The following FAM186B variants were observed in gnomAD, a reference collection of about 807,000 sequenced individuals.
FAM186B encodes the protein family with sequence similarity 186 member B.
In FAM186B, 68 loss-of-function variants were observed where a neutral mutation model predicts 83.4. That is an observed-to-expected ratio of 0.81 (90% CI 0.67 to 1.00). The LOEUF (loss-of-function observed/expected upper bound fraction) is 1.00, where lower values mean the gene tolerates loss of function less well. Among genes scored for constraint, FAM186B ranks in the 50% least tolerant of loss-of-function variants. FAM186B has a pLI of 0.00. For synonymous variants in FAM186B, 389 were observed against 422.0 expected (o/e 0.92, Z 0.96); for missense variants, 983 against 1,099.2 (o/e 0.89, Z 1.49).
downstream of FAM186B, among the ~76,000 whole-genome samples, chr12:49,586,296 A>C (rs1297474901): frequency 2.0e-5 from 3 of 152,170 alleles, no homozygotes; most frequent in African/African-American, 7.2e-5. Context: ...AGAATTGTGC[A>C]TGTTTTACCA....
At chr12:49,613,736 G>A in the FAM186B span, among the ~76,000 whole-genome samples, 1 of 151,810 alleles carries the variant, frequency 6.6e-6, no homozygotes, top group Admixed American at 6.6e-5. Flanking sequence ...CTACTTGGGA[G>A]GCTGAGGCGG....
intron 5 of FAM186B, chr12:49,595,759 G>A (rs757636378): frequency 8.3e-6 from 2 of 240,252 alleles, no homozygotes; most frequent in Non-Finnish European, 1.7e-5. Flanking sequence ...TGAGGCAGGC[G>A]GATCACGAGG....
the FAM186B span, among the ~76,000 whole-genome samples, chr12:49,613,867 G>T: frequency 1.3e-5 from 2 of 151,364 alleles, no homozygotes; most frequent in African/African-American, 4.9e-5. Context: ...AATAAGAACT[G>T]GCCGGGCGCG....
chr12:49,622,448 A>G, the FAM186B span, among the ~76,000 whole-genome samples: 4 of 152,236 alleles, frequency 2.6e-5, no homozygotes, highest in East Asian at 7.7e-4. Flanking sequence ...CTGAGGCTGC[A>G]GTGAACCCTG....
At position 49,604,543 on chromosome 12, in the gene FAM186B, A is replaced by G. The variant is rs1286067045; in HGVS notation, c.97-5T>C. On this transcript the variant is annotated splice_region_variant and splice_polypyrimidine_tract_variant and intron_variant, in intron 1 of 6. Transcript: ENST00000257894. ...TGAGAGCTGGGTAGAAATATCCTAT[A>G]GAGAAGCAGCAGATTGTAGTGTTAG... is the stretch of plus-strand genomic sequence containing the variant. 3.1e-6 allele frequency: 5 copies of G among 1,612,890 alleles called. No individual in the cohort carries two copies. Among genetic ancestry groups the G allele is most frequent in the Non-Finnish European group, 4.2e-6 (5 of 1,178,846 alleles).
downstream of FAM186B, among the ~76,000 whole-genome samples, chr12:49,586,874 T>C (rs1308055740): frequency 1.3e-5 from 2 of 152,172 alleles, no homozygotes; most frequent in Non-Finnish European, 2.9e-5. Flanking sequence ...CACTGAGGTC[T>C]CCAGTTGGAG....
chr12:49,599,496 A>G lies in FAM186B; in HGVS notation c.2144T>C (p.Ile715Thr). ...GAGGCTCTGGAGGCGTCTATAGAAG[A>G]TGTACTTATGGCACAGGTACTGCAG... is the stretch of plus-strand genomic sequence containing the variant. ...LRLQYLCHKY[I>T]FYRRLQSLRQ... The change falls in exon 4 of 7, where the codon ATC becomes ACC. Residue 715 changes from isoleucine to threonine, a missense_variant. Coordinates refer to ENST00000257894, the MANE Select transcript of FAM186B (RefSeq NM_032130.3). The G allele has an allele frequency of 6.4e-7, 1 of 1,557,526 alleles. No individual in the cohort carries two copies. The highest frequency in any genetic ancestry group is 2.2e-5 in the East Asian group (1 of 44,520).
At position 49,600,000 on chromosome 12, in the gene FAM186B, T is replaced by C; in HGVS notation, c.1640A>G (p.Glu547Gly). Residue 547 changes from glutamate (E) to glycine (G), a missense_variant, in exon 4 of 7, where the codon GAG becomes GGG. Transcript: ENST00000257894. Reference sequence around the variant, plus strand: ...CACATCCTCCCCTAGCTGCTCTGGCTCTCTCCGTGGGCTCTCCTGCTCCTT... The same window carrying C: ...CACATCCTCCCCTAGCTGCTCTGGCCCTCTCCGTGGGCTCTCCTGCTCCTT... Reference protein sequence around the residue: ...LEKEQESPRREPEQLGEDVER... With the variant: ...LEKEQESPRRGPEQLGEDVER... The C allele has an allele frequency of 6.2e-7, 1 of 1,612,778 alleles. No homozygotes were observed. Among genetic ancestry groups the C allele is most frequent in the Non-Finnish European group, 8.5e-7 (1 of 1,179,474 alleles).
At chr12:49,621,807 T>TCCCCTTGGA in the FAM186B span, among the ~76,000 whole-genome samples, 37 of 152,052 alleles carry the variant, frequency 2.4e-4, no homozygotes, top group Non-Finnish European at 2.5e-4. Flanking sequence ...CATGGGCAAA[T>TCCCCTTGGA]CCCCTTGGAC....
upstream of FAM186B, among the ~76,000 whole-genome samples, chr12:49,609,131 TG>T (rs1442766938): frequency 3.3e-5 from 5 of 152,270 alleles, no homozygotes; most frequent in East Asian, 9.7e-4. Context: ...GTCACAGGAC[TG>T]GGGTGGGAAA....
chr12:49,604,322 C>T lies in FAM186B; in HGVS notation c.313G>A (p.Gly105Ser), dbSNP rs750263884. 5.6e-6 allele frequency: 9 copies of T among 1,612,992 alleles called. No individual in the cohort carries two copies. Among genetic ancestry groups the T allele is most frequent in the Non-Finnish European group, 6.8e-6 (8 of 1,179,118 alleles). ...KHLYDILRWL[G>S]DWGDTLTYEI... Reference sequence around the variant, plus strand: ...CAGCCTGCAAACTCACCCCAGTCACCCAGCCAGCGGAGAATGTCATACAGG... The same window carrying T: ...CAGCCTGCAAACTCACCCCAGTCACTCAGCCAGCGGAGAATGTCATACAGG... Residue 105 changes from glycine to serine, a missense_variant, in exon 2 of 7, where the codon GGT becomes AGT. Transcript: ENST00000257894.
the FAM186B span, among the ~76,000 whole-genome samples, chr12:49,612,468 A>G: frequency 6.6e-6 from 1 of 151,808 alleles, no homozygotes; most frequent in Non-Finnish European, 1.5e-5. Flanking sequence ...GGCCCAGGAC[A>G]GCTTTGAATG....
the FAM186B span, among the ~76,000 whole-genome samples, chr12:49,617,519 G>A: frequency 6.6e-6 from 1 of 152,130 alleles, no homozygotes; most frequent in Non-Finnish European, 1.5e-5. Context: ...ACTCTAGCCT[G>A]GGTGTCAGAA....
At chr12:49,610,747 G>A in the FAM186B span, among the ~76,000 whole-genome samples, 26 of 146,560 alleles carry the variant, frequency 1.8e-4, no homozygotes, top group Admixed American at 5.5e-4. Context: ...CCAAGATTGC[G>A]CCACTGCACT....
chr12:49,592,921 ACAGAT>A (rs1252419800), intron 5 of FAM186B, among the ~76,000 whole-genome samples: 1 of 152,228 alleles, frequency 6.6e-6, no homozygotes, highest in Non-Finnish European at 1.5e-5. Flanking sequence ...AAAACAAAGA[ACAGAT>A]TAGACAAATA....
intron 5 of FAM186B, among the ~76,000 whole-genome samples, chr12:49,596,486 A>T (rs368352924): frequency 1.0e-3 from 112 of 112,100 alleles, no homozygotes; most frequent in African/African-American, 3.6e-3. Flanking sequence ...TGATGTCTTT[A>T]AAAAAAAAAA....
At chr12:49,619,395 G>T in the FAM186B span, 1 of 436,344 alleles carries the variant, frequency 2.3e-6, no homozygotes, top group South Asian at 4.1e-5. Context: ...AAACTTATTT[G>T]AAAAGCTAAA....
rs1229016990 is a variant in FAM186B, at chr12:49,599,513, G to A, written c.2127C>T (p.Tyr709=). 6.3e-7 allele frequency: 1 copy of A among 1,584,814 alleles called. No individual in the cohort carries two copies. ...TMELGALRLQ[Y]LCHKYIFYRR... The stretch of plus-strand genomic sequence containing the variant: ...TATAGAAGATGTACTTATGGCACAG[G>A]TACTGCAGCCTGAGCGCGCCCAGCT... The change falls in exon 4 of 7, where the codon TAC becomes TAT. Residue 709 remains tyrosine (Y), a synonymous_variant. Transcript: ENST00000257894.
In FAM186B at chr12:49,598,855, C is replaced by T. The variant is rs774237013; in HGVS notation, c.2264G>A (p.Arg755His). ...NLYIFLENIDRLQSLRLQAWT... is the reference protein window; with the variant it reads ...NLYIFLENIDHLQSLRLQAWT... ...GGCCTGCAGCCTGAGACTCTGCAGGCGGTCAATGTTTTCCAGGAAGATGTA... is the reference window on the plus strand; with the variant it reads ...GGCCTGCAGCCTGAGACTCTGCAGGTGGTCAATGTTTTCCAGGAAGATGTA... Residue 755 changes from arginine to histidine, a missense_variant, in exon 5 of 7, where the codon CGC becomes CAC. Physicochemically the swap from Arg to His is conservative, Grantham distance 29 (BLOSUM62 0). Coordinates refer to ENST00000257894, the MANE Select transcript of FAM186B (RefSeq NM_032130.3). 14 of 1,613,060 alleles carry T rather than the reference C, an allele frequency of 8.7e-6. No homozygotes were observed. Among genetic ancestry groups the T allele is most frequent in the Admixed American group, 3.3e-5 (2 of 59,880 alleles).
Sources: allele counts gnomAD v4.1 joint callset (sites outside exome capture counted in the v4.1 genomes callset), GRCh38; gene constraint gnomAD v4.1.1; transcripts MANE v1.5; gene names NCBI Gene and HGNC (gene_info 2026-07-23, HGNC 2026-07-21).